The following ZNF367 variants were observed in gnomAD, a reference collection of about 807,000 sequenced individuals.
ZNF367 encodes zinc finger protein 367, also known as C2H2 zinc finger protein ZFF29.
In ZNF367, 11 loss-of-function variants were observed where a neutral mutation model predicts 31.8. The observed-to-expected ratio is 0.35, with a 90% confidence interval of 0.22 to 0.57. The LOEUF is 0.57. ZNF367 is among the 20% of genes least tolerant of loss of function. The pLI, the probability that ZNF367 is intolerant of heterozygous loss-of-function variation, is 0.85. For missense variants in ZNF367, 353 were observed against 484.1 expected (o/e 0.73, Z 2.54); for synonymous variants, 199 against 202.4 (o/e 0.98, Z 0.14).
chr9:96,405,683 A>G (rs1831664233), intron 1 of ZNF367, among the ~76,000 whole-genome samples: 1 of 152,222 alleles, frequency 6.6e-6, no homozygotes, highest in Non-Finnish European at 1.5e-5. Flanking sequence ...TAAAAAAAGA[A>G]GCCAAACACA....
rs1831561296 is a variant in ZNF367 at position 96,398,424 on chromosome 9, C to A, written c.421-110G>T. ...CTTTCTTGGGAGCTGGGCGCAGCGGCACACACTTATAGTCCCAGCTATTTA... is the reference window on the plus strand; with the variant it reads ...CTTTCTTGGGAGCTGGGCGCAGCGGAACACACTTATAGTCCCAGCTATTTA... On this transcript the variant is annotated intron_variant, in intron 1 of 4. Coordinates refer to ENST00000375256, the MANE Select transcript of ZNF367 (RefSeq NM_153695.4). 4.1e-6 allele frequency: 4 copies of A among 965,764 alleles called. No homozygotes were observed. In the East Asian group the frequency reaches 1.1e-4, roughly 26 times the overall value. The allele number at this position is 965,764 out of a possible 1,614,324, so 59.8% of individuals were successfully genotyped here.
chr9:96,412,692 C>CTTTTATTTTTTTTTTTTTTTTTT (rs1831766155), intron 1 of ZNF367, among the ~76,000 whole-genome samples: 1 of 135,208 alleles, frequency 7.4e-6, no homozygotes. Flanking sequence ...TTTTCTTTTT[C>CTTTTATTTTTTTTTTTTTTTTTT]TTTTCTTTTT....
chr9:96,413,756 C>G (rs574226961), intron 1 of ZNF367, among the ~76,000 whole-genome samples: 1 of 152,114 alleles, frequency 6.6e-6, no homozygotes, highest in Non-Finnish European at 1.5e-5. Context: ...TAGGTGTTCC[C>G]ACAGGCGAGG....
chr9:96,388,586 A>G (rs1831432162), intron 4 of ZNF367, 127 bp from the exon 5 acceptor site: 1 of 888,648 alleles, frequency 1.1e-6, no homozygotes. Flanking sequence ...TTATAAAGTG[A>G]TTTAACATAA....
intron 1 of ZNF367, chr9:96,407,535 G>A (rs926754402): frequency 7.8e-7 from 1 of 1,278,134 alleles, no homozygotes; most frequent in South Asian, 1.2e-5. Context: ...AGACTCCACA[G>A]GGAGCAGTAC....
chr9:96,417,969 A>T lies in ZNF367; in HGVS notation c.64T>A (p.Phe22Ile), dbSNP rs761819907. Reference protein sequence around the residue: ...NPPPPPPPVIFCHDSPKRVLV... With the variant: ...NPPPPPPPVIICHDSPKRVLV... Reference sequence around the variant, plus strand: ...ACCCGCTTCGGGGAGTCGTGGCAGAAGATGACGGGCGGCGGCGGCGGCGGC... The same window carrying T: ...ACCCGCTTCGGGGAGTCGTGGCAGATGATGACGGGCGGCGGCGGCGGCGGC... The change falls in exon 1 of 5, where the codon TTC becomes ATC. Residue 22 changes from phenylalanine (F) to isoleucine (I), a missense_variant. Physicochemically the swap from Phe to Ile is conservative, Grantham distance 21. Transcript: ENST00000375256. The surrounding 1 kb of genome is among the most constrained non-coding windows in gnomAD (Gnocchi z 5.0). The T allele has an allele frequency of 7.5e-6, 11 of 1,470,780 alleles. No individual in the cohort carries two copies. The highest frequency in any genetic ancestry group is 5.2e-5 in the South Asian group (4 of 76,292). 91.1% of individuals were successfully genotyped at this position (1,470,780 alleles called of 1,614,324 possible).
At chr9:96,399,074 T>C (rs1265288773) in intron 1 of ZNF367, among the ~76,000 whole-genome samples, 1 of 152,074 alleles carries the variant, frequency 6.6e-6, no homozygotes, top group Non-Finnish European at 1.5e-5. Flanking sequence ...GAAAGTTTCT[T>C]TTGGAAATTT....
intron 1 of ZNF367, chr9:96,407,261 C>G (rs1381942403): frequency 7.4e-7 from 1 of 1,357,714 alleles, no homozygotes; most frequent in Admixed American, 1.7e-5. Context: ...GGGGCTGCTC[C>G]TGGCGGCTCT....
intron 1 of ZNF367, among the ~76,000 whole-genome samples, chr9:96,401,785 G>A (rs1587745156): frequency 1.3e-5 from 2 of 149,598 alleles, no homozygotes; most frequent in Non-Finnish European, 1.5e-5. Context: ...CCAAGATTGC[G>A]CCCCTGCACT....
In ZNF367 at chr9:96,388,610, A is replaced by G. The variant is rs144596685; in HGVS notation, c.831-151T>C. 4.8e-4 allele frequency: 380 copies of G among 797,382 alleles called. 5 individuals carry two copies. The East Asian group carries it at 0.01, about 22-fold the overall frequency. The allele number at this position is 797,382 out of a possible 1,614,324, so 49.4% of individuals were successfully genotyped here. ...GATTTAACATAAATTTCCTATTTATAGAGGAAAGAAACTGAAGTTCAACGA... is the reference window on the plus strand; with the variant it reads ...GATTTAACATAAATTTCCTATTTATGGAGGAAAGAAACTGAAGTTCAACGA... On this transcript the variant is annotated intron_variant, in intron 4 of 4. Transcript: ENST00000375256.
rs1299572254 is a variant in ZNF367, at chr9:96,417,458, T to G, written c.420+155A>C. Among the ~76,000 whole-genome samples, 1 of 149,094 alleles carries G rather than the reference T, an allele frequency of 6.7e-6. No individual in the cohort carries two copies. Among genetic ancestry groups the G allele is most frequent in the Non-Finnish European group, 1.5e-5 (1 of 67,350 alleles). On this transcript the variant is annotated intron_variant, in intron 1 of 4. Coordinates refer to ENST00000375256, the MANE Select transcript of ZNF367 (RefSeq NM_153695.4). The surrounding 1 kb of genome is among the most constrained non-coding windows in gnomAD (Gnocchi z 5.0). ...ACAGGCCCCCCCCGACTGGGGCCGG[T>G]TTTTGGCGCGCGGCAGTGACGTCAG...
rs1450453151 is a variant in ZNF367, at chr9:96,417,498, C to G, written c.420+115G>C. 3.8e-6 allele frequency: 1 copy of G among 260,696 alleles called. No individual in the cohort carries two copies. Among genetic ancestry groups the G allele is most frequent in the African/African-American group, 2.3e-5 (1 of 43,746 alleles). 16.1% of individuals were successfully genotyped at this position (260,696 alleles called of 1,614,324 possible). On this transcript the variant is annotated intron_variant, in intron 1 of 4. Transcript: ENST00000375256. This position sits in a 1 kb window ranked among gnomAD's most constrained non-coding sequence, Gnocchi z 5.0. ...AGTGACGTCAGCATCCTGTCAGCCG[C>G]AGCCCCCGCCGTAGCCGGATCGACC...
intron 1 of ZNF367, among the ~76,000 whole-genome samples, chr9:96,410,479 G>GT (rs1831731265): frequency 6.8e-6 from 1 of 146,382 alleles, no homozygotes; most frequent in Non-Finnish European, 1.5e-5. Context: ...GGAGAATGGC[G>GT]TGAATCCAGG....
At chr9:96,395,065 C>G in intron 2 of ZNF367, 123 bp from the exon 3 acceptor site, 1 of 1,040,056 alleles carries the variant, frequency 9.6e-7, no homozygotes, top group Non-Finnish European at 1.4e-6. Flanking sequence ...TGTCATGGCC[C>G]CTACTGAGCT....
At chr9:96,413,129 A>C (rs1831773392) in intron 1 of ZNF367, among the ~76,000 whole-genome samples, 1 of 152,336 alleles carries the variant, frequency 6.6e-6, no homozygotes, top group South Asian at 2.1e-4. Context: ...GGGACTCTAG[A>C]AGGTTCCGAT....
At chr9:96,407,017 A>G (rs1400071774) in intron 1 of ZNF367, among the ~76,000 whole-genome samples, 1 of 147,962 alleles carries the variant, frequency 6.8e-6, no homozygotes, top group Non-Finnish European at 1.5e-5. Context: ...AAAAAAAAAA[A>G]AAAAAAAAAA....
intron 1 of ZNF367, among the ~76,000 whole-genome samples, chr9:96,404,653 G>A (rs1831649818): frequency 6.6e-6 from 1 of 151,414 alleles, no homozygotes; most frequent in African/African-American, 2.4e-5. Context: ...AAAAAAGACT[G>A]TAATGCTCTT....
chr9:96,393,115 C>T (rs949202000), intron 3 of ZNF367, among the ~76,000 whole-genome samples: 1 of 152,050 alleles, frequency 6.6e-6, no homozygotes, highest in Non-Finnish European at 1.5e-5. Flanking sequence ...ACCTCAGACC[C>T]GAGAATTCCA....
chr9:96,402,433 CTTCT>C (rs1436375583), intron 1 of ZNF367, among the ~76,000 whole-genome samples: 3 of 144,030 alleles, frequency 2.1e-5, no homozygotes, highest in South Asian at 2.2e-4. Flanking sequence ...ACTTCCTTTA[CTTCT>C]TTCTTTCTTT....
Sources: gnomAD v4.1 joint callset for allele counts (sites outside exome capture counted in the v4.1 genomes callset) on GRCh38, gnomAD v4.1.1 for gene constraint, Gnocchi (gnomAD v3.1) non-coding constraint, MANE v1.5 for transcripts, NCBI Gene and HGNC (gene_info 2026-07-23, HGNC 2026-07-21) for gene names.